Variants in NAV1 observed in about 807,000 individuals in gnomAD.
NAV1 encodes neuron navigator 1.
A neutral mutation model predicts 175.2 loss-of-function variants in NAV1; 18 were observed. That is an observed-to-expected ratio of 0.10 (90% CI 0.07 to 0.15). The LOEUF is 0.15. Ranked by LOEUF, NAV1 falls within the 10% of genes least tolerant of loss-of-function variation. The pLI is 1.00. For synonymous variants in NAV1, 897 were observed against 978.7 expected, an observed-to-expected ratio of 0.92 and a Z score of 1.56; for missense variants, 1,731 against 2,436.6, an observed-to-expected ratio of 0.71 and a Z score of 6.10.
intron 2 of NAV1, among the ~76,000 whole-genome samples, chr1:201,617,264 T>G (rs981715862): frequency 2.7e-5 from 4 of 148,010 alleles, no homozygotes; most frequent in African/African-American, 9.9e-5. Flanking sequence ...CACACACACA[T>G]AAACACACAC....
At chr1:201,560,057 A>G (rs1666152432) in intron 1 of NAV1, among the ~76,000 whole-genome samples, 1 of 152,102 alleles carries the variant, frequency 6.6e-6, no homozygotes, top group Non-Finnish European at 1.5e-5. Flanking sequence ...AGTTCAGAGG[A>G]TGGGAAGAGC....
intron 3 of NAV1, among the ~76,000 whole-genome samples, chr1:201,759,273 T>C (rs11807313): frequency 0.019 from 2,879 of 152,300 alleles, 86 homozygotes; most frequent in African/African-American, 0.064. Context: ...TAAGAAACAC[T>C]GGGTTTCCAC....
intron 3 of NAV1, among the ~76,000 whole-genome samples, chr1:201,741,857 A>G (rs1236874927): frequency 6.6e-6 from 1 of 152,178 alleles, no homozygotes; most frequent in East Asian, 1.9e-4. Context: ...TTAGTGCCCT[A>G]TCCTGGGGCC....
Position 201,718,203 on chromosome 1 carries a change from A to G in NAV1, c.861-187A>G, listed in dbSNP as rs143489108. 6.6e-6 allele frequency among the ~76,000 whole-genome samples: 1 copy of G among 152,348 alleles called. No homozygotes were observed. The highest frequency in any genetic ancestry group is 1.5e-5 in the Non-Finnish European group (1 of 68,036). ...TTAATTAAGATCATTTCCTTTGTCA[A>G]ACAGATAACGTATCACAAAGGTAAC... is the stretch of plus-strand genomic sequence containing the variant. On this transcript the variant is annotated intron_variant, in intron 2 of 29. Coordinates refer to ENST00000367296, the Ensembl canonical transcript of NAV1. This position sits in a 1 kb window ranked among gnomAD's most constrained non-coding sequence, Gnocchi z 4.8.
chr1:201,817,358 C>A, intron 29 of NAV1, 73 bp downstream of exon 33: 1 of 1,390,874 alleles, frequency 7.2e-7, no homozygotes, highest in East Asian at 2.4e-5. Context: ...GGGTGGCTCA[C>A]ACCTGTAATC....
At chr1:201,805,150 A>G (rs756834408) in intron 17 of NAV1, among the ~76,000 whole-genome samples, 13 of 152,234 alleles carry the variant, frequency 8.5e-5, no homozygotes, top group Non-Finnish European at 1.5e-4. Context: ...GGTCCACTCT[A>G]ACCCTACCCC....
chr1:201,592,036 C>T (rs181468989), intron 2 of NAV1, among the ~76,000 whole-genome samples: 3 of 152,268 alleles, frequency 2.0e-5, no homozygotes, highest in Admixed American at 1.3e-4. Context: ...CTAGACAATG[C>T]GAGGACAGTC....
At chr1:201,708,903 CTT>C (rs1313954096) in intron 1 of NAV1, among the ~76,000 whole-genome samples, 1 of 152,100 alleles carries the variant, frequency 6.6e-6, no homozygotes, top group Non-Finnish European at 1.5e-5. Context: ...AATCCCAGCA[CTT>C]TGGGGGGCTG....
In NAV1 at chr1:201,776,946, C is replaced by CA. The variant is rs200205765; in HGVS notation, c.1227-3466dup. On this transcript the variant is annotated intron_variant, in intron 3 of 29. Coordinates refer to ENST00000367296, the Ensembl canonical transcript of NAV1. ...GATGCTAAAAGTTCCAGAGGGGAGACAAAAAAAAACAGGTCACATACAAGG... is the reference window on the plus strand; with the variant it reads ...GATGCTAAAAGTTCCAGAGGGGAGACAAAAAAAAAACAGGTCACATACAAGG... Among the ~76,000 whole-genome samples, 1,048 of 146,804 alleles carry CA rather than the reference C, an allele frequency of 7.1e-3. 6 individuals carry two copies. The highest frequency in any genetic ancestry group is 0.019 in the African/African-American group (741 of 40,032).
At position 201,541,537 on chromosome 1, in the gene NAV1, C is replaced by T. The variant is rs539109434; in HGVS notation, c.-144+2195C>T. On this transcript the variant is annotated intron_variant, in intron 1 of 33. Transcript: ENST00000685211. ...TTGGCCAGGTGCGGTGGCTCATGCC[C>T]GTAAGAGGGGCGGATCACCTGAGGT... 3.3e-5 allele frequency among the ~76,000 whole-genome samples: 5 copies of T among 152,214 alleles called. No individual in the cohort carries two copies. In the South Asian group the frequency reaches 8.3e-4, roughly 25 times the overall value.
At chr1:201,581,970 C>T (rs924845302) in intron 1 of NAV1, among the ~76,000 whole-genome samples, 6 of 152,196 alleles carry the variant, frequency 3.9e-5, no homozygotes, top group African/African-American at 1.4e-4. Flanking sequence ...GTGGCGGGCG[C>T]CTGTAGTCCC....
At chr1:201,568,521 G>A (rs1666431901) in intron 1 of NAV1, among the ~76,000 whole-genome samples, 1 of 152,152 alleles carries the variant, frequency 6.6e-6, no homozygotes, top group Admixed American at 6.5e-5. Flanking sequence ...GTGGCTGCAT[G>A]TACACACATG....
At chr1:201,577,412 G>T (rs972944400) in intron 1 of NAV1, among the ~76,000 whole-genome samples, 2 of 143,980 alleles carry the variant, frequency 1.4e-5, no homozygotes, top group Non-Finnish European at 3.0e-5. Context: ...ATATTTTTAT[G>T]TTTCGCATTT....
intron 15 of NAV1, among the ~76,000 whole-genome samples, chr1:201,800,741 TACAA>T (rs772860233): frequency 5.3e-5 from 8 of 150,276 alleles, no homozygotes; most frequent in Non-Finnish European, 1.0e-4. Flanking sequence ...TCTGTGTATA[TACAA>T]ACAAACATAT....
At chr1:201,716,510 C>A (rs959315245) in intron 2 of NAV1, among the ~76,000 whole-genome samples, 1 of 152,196 alleles carries the variant, frequency 6.6e-6, no homozygotes, top group Non-Finnish European at 1.5e-5. Context: ...GATGTGATGT[C>A]TAGGTCCACA....
intron 1 of NAV1, among the ~76,000 whole-genome samples, chr1:201,702,816 C>T (rs1671495641): frequency 6.6e-6 from 1 of 151,624 alleles, no homozygotes; most frequent in African/African-American, 2.4e-5. Flanking sequence ...TTGCCATTTG[C>T]TGTTATATGT....
intron 2 of NAV1, among the ~76,000 whole-genome samples, chr1:201,614,305 T>G (rs1021494837): frequency 6.6e-6 from 1 of 152,190 alleles, no homozygotes; most frequent in Non-Finnish European, 1.5e-5. Context: ...CGCGGCCCCT[T>G]TAACAGGGCC....
chr1:201,547,522 A>C (rs371122652), intron 1 of NAV1, among the ~76,000 whole-genome samples: 2 of 152,230 alleles, frequency 1.3e-5, no homozygotes, highest in African/African-American at 4.8e-5. Flanking sequence ...AAATTGGGAT[A>C]GTGAACCACG....
At chr1:201,683,068 C>T (rs1670528049) in intron 1 of NAV1, among the ~76,000 whole-genome samples, 1 of 152,118 alleles carries the variant, frequency 6.6e-6, no homozygotes, top group Non-Finnish European at 1.5e-5. Flanking sequence ...TCCAGGATCC[C>T]ATCTAGGATA....
Sources: gnomAD v4.1 joint callset for allele counts (sites outside exome capture counted in the v4.1 genomes callset) on GRCh38, gnomAD v4.1.1 for gene constraint, Gnocchi (gnomAD v3.1) non-coding constraint, MANE v1.5 for transcripts, NCBI Gene and HGNC (gene_info 2026-07-23, HGNC 2026-07-21) for gene names.